The following ARHGAP24 variants were observed in gnomAD, a reference collection of about 807,000 sequenced individuals.
ARHGAP24 encodes rho GTPase-activating protein 24.
In ARHGAP24, 50 loss-of-function variants were observed where a neutral mutation model predicts 76.4. That is an observed-to-expected ratio of 0.65 (90% confidence interval 0.52 to 0.83). ARHGAP24 has a LOEUF of 0.83. Ranked by LOEUF, ARHGAP24 falls within the 40% of genes least tolerant of loss-of-function variation. The probability of loss-of-function intolerance (pLI) is 0.00; values close to 1 mark genes in which losing one functional copy is unlikely to be tolerated. For synonymous variants in ARHGAP24, 345 were observed against 323.3 expected (o/e 1.07, Z -0.72); for missense variants, 930 against 914.2 (o/e 1.02, Z -0.22).
chr4:85,649,535 G>A (rs1474253454), intron 2 of ARHGAP24, among the ~76,000 whole-genome samples: 1 of 152,052 alleles, frequency 6.6e-6, no homozygotes, highest in Non-Finnish European at 1.5e-5. Flanking sequence ...GTATTATAAA[G>A]TATTTGTTTG....
At chr4:85,714,957 A>T (rs1326579099) in intron 2 of ARHGAP24, among the ~76,000 whole-genome samples, 1 of 152,142 alleles carries the variant, frequency 6.6e-6, no homozygotes, top group East Asian at 1.9e-4. Flanking sequence ...TTATTCCATT[A>T]CTTTTTATTC....
chr4:85,556,510 G>A (rs1439281141), intron 1 of ARHGAP24, among the ~76,000 whole-genome samples: 1 of 152,138 alleles, frequency 6.6e-6, no homozygotes, highest in African/African-American at 2.4e-5. Flanking sequence ...CCAGCCCGAG[G>A]ACAGTCAGGG....
intron 3 of ARHGAP24, among the ~76,000 whole-genome samples, chr4:85,870,938 T>C (rs1698455794): frequency 6.6e-6 from 1 of 152,188 alleles, no homozygotes; most frequent in Admixed American, 6.6e-5. Context: ...ATATTACCTC[T>C]GAATGGTACA....
intron 3 of ARHGAP24, among the ~76,000 whole-genome samples, chr4:85,880,709 T>G (rs961729234): frequency 2.0e-5 from 3 of 152,152 alleles, no homozygotes; most frequent in African/African-American, 7.2e-5. Flanking sequence ...TTTGTATTTT[T>G]TAGTAGAGAC....
chr4:85,971,124 A>G (rs1738948417), intron 5 of ARHGAP24, among the ~76,000 whole-genome samples: 1 of 152,210 alleles, frequency 6.6e-6, no homozygotes, highest in East Asian at 1.9e-4. Context: ...ATCTTAGAAT[A>G]TTAGACAAGC....
chr4:85,839,640 C>T (rs567669557), intron 3 of ARHGAP24, among the ~76,000 whole-genome samples: 11 of 150,834 alleles, frequency 7.3e-5, no homozygotes, highest in African/African-American at 9.7e-5. Context: ...TAGTAGAGAC[C>T]GCATTTCACT....
rs866243172 is a variant in ARHGAP24, at chr4:85,917,019, G to C, written c.269-6629G>C. On this transcript the variant is annotated intron_variant, in intron 3 of 9. Coordinates refer to ENST00000395184, the MANE Select transcript of ARHGAP24 (RefSeq NM_001025616.3). ...ATTGGTGTGCTGCACCCATTAACTC[G>C]TCATTTAGCAGTAGGTATACCTCCT... Among the ~76,000 whole-genome samples the C allele has an allele frequency of 2.0e-5, 3 of 151,946 alleles. No homozygotes were observed. The East Asian group carries it at 5.8e-4, about 29-fold the overall frequency.
At chr4:85,551,225 G>T (rs1489067590) in intron 1 of ARHGAP24, among the ~76,000 whole-genome samples, 1 of 152,114 alleles carries the variant, frequency 6.6e-6, no homozygotes, top group Non-Finnish European at 1.5e-5. Flanking sequence ...TTTGTTGAGG[G>T]TTTTAACCTG....
chr4:85,669,396 G>A (rs867740267), intron 2 of ARHGAP24, among the ~76,000 whole-genome samples: 97 of 151,744 alleles, frequency 6.4e-4, no homozygotes, highest in African/African-American at 2.2e-3. Flanking sequence ...TAATATTTCT[G>A]GTGCAGTCAC....
chr4:85,885,082 A>C (rs1244437616), intron 3 of ARHGAP24, among the ~76,000 whole-genome samples: 4 of 152,158 alleles, frequency 2.6e-5, no homozygotes, highest in Non-Finnish European at 4.4e-5. Context: ...GAAGGCATAC[A>C]TCCTTTCTTC....
chr4:85,542,249 C>A (rs1386833815), intron 1 of ARHGAP24, among the ~76,000 whole-genome samples: 3 of 152,014 alleles, frequency 2.0e-5, no homozygotes, highest in Non-Finnish European at 2.9e-5. Flanking sequence ...GTAAGAATAT[C>A]CTTGGGAAAT....
chr4:85,829,823 C>T (rs956991077), intron 3 of ARHGAP24, among the ~76,000 whole-genome samples: 1 of 152,190 alleles, frequency 6.6e-6, no homozygotes, highest in African/African-American at 2.4e-5. Context: ...CCATGGTCAG[C>T]TTCTATGTTG....
chr4:85,537,700 G>T (rs1725524246), intron 1 of ARHGAP24, among the ~76,000 whole-genome samples: 1 of 152,076 alleles, frequency 6.6e-6, no homozygotes, highest in South Asian at 2.1e-4. Context: ...GCTACAAACG[G>T]CAATGCTATC....
At chr4:85,898,432 C>A (rs1734318261) in intron 3 of ARHGAP24, among the ~76,000 whole-genome samples, 7 of 152,120 alleles carry the variant, frequency 4.6e-5, no homozygotes, top group Admixed American at 4.6e-4. Context: ...TATCCATACT[C>A]TTCATTGATT....
chr4:85,507,012 G>A (rs899229444), intron 1 of ARHGAP24, among the ~76,000 whole-genome samples: 2 of 152,060 alleles, frequency 1.3e-5, no homozygotes, highest in African/African-American at 4.8e-5. Context: ...GATTCCAATT[G>A]TTCAGGAATT....
At chr4:85,651,902 A>C (rs543617874) in intron 2 of ARHGAP24, among the ~76,000 whole-genome samples, 10 of 152,274 alleles carry the variant, frequency 6.6e-5, no homozygotes, top group African/African-American at 2.4e-4. Flanking sequence ...AGATAAAATA[A>C]GAACAGATGG....
chr4:85,704,006 G>A (rs902589625), intron 2 of ARHGAP24, among the ~76,000 whole-genome samples: 1 of 152,068 alleles, frequency 6.6e-6, no homozygotes, highest in Non-Finnish European at 1.5e-5. Context: ...TTGCCAGAAA[G>A]TTATATTATG....
At chr4:85,850,061 G>A (rs1731131171) in intron 3 of ARHGAP24, among the ~76,000 whole-genome samples, 1 of 152,162 alleles carries the variant, frequency 6.6e-6, no homozygotes, top group South Asian at 2.1e-4. Context: ...GAATTCGGCT[G>A]TGAATCAATC....
rs369426566 is a variant in ARHGAP24 at position 85,731,409 on chromosome 4, G to A, written c.268+9437G>A. On this transcript the variant is annotated intron_variant, in intron 3 of 9. Coordinates refer to ENST00000395184, the MANE Select transcript of ARHGAP24 (RefSeq NM_001025616.3). The stretch of plus-strand genomic sequence containing the variant: ...AGACACCTTCTATCCCTACTGCCTA[G>A]CAGAGTGCTGTCATGTAGTGTATGC... Among the ~76,000 whole-genome samples the A allele has an allele frequency of 2.0e-5, 3 of 152,304 alleles. No individual in the cohort carries two copies. The East Asian group carries it at 5.8e-4, about 29-fold the overall frequency.
Sources: gnomAD v4.1 joint callset for allele counts (sites outside exome capture counted in the v4.1 genomes callset) on GRCh38, gnomAD v4.1.1 for gene constraint, MANE v1.5 for transcripts, NCBI Gene and HGNC (gene_info 2026-07-23, HGNC 2026-07-21) for gene names.